ARHGEF10: variants seen among roughly 807,000 people sequenced by gnomAD.
ARHGEF10 encodes Rho guanine nucleotide exchange factor (GEF) 10.
Under a neutral mutation model 147.4 loss-of-function variants are expected in ARHGEF10, and 140 were observed. The observed-to-expected ratio is 0.95, with a 90% CI of 0.83 to 1.09. The LOEUF (loss-of-function observed/expected upper bound fraction) is 1.09, where lower values mean the gene tolerates loss of function less well. Among genes scored for constraint, ARHGEF10 ranks in the 50% least tolerant of loss-of-function variants. ARHGEF10 has a pLI of 0.00. For synonymous variants in ARHGEF10, 902 were observed against 695.8 expected (o/e 1.30, Z -4.67); for missense variants, 2,222 against 1,752.7 (o/e 1.27, Z -4.78).
At position 1,895,105 on chromosome 8, in the gene ARHGEF10, G is replaced by A. The variant is rs960135377; in HGVS notation, c.1440+533G>A. Among the ~76,000 whole-genome samples, 4 of 151,992 alleles carry A rather than the reference G, an allele frequency of 2.6e-5. No homozygotes were observed. The South Asian group carries it at 8.3e-4, about 32-fold the overall frequency. On this transcript the variant is annotated intron_variant, in intron 13 of 28. Coordinates refer to ENST00000349830, the MANE Select transcript of ARHGEF10 (RefSeq NM_014629.4). ...TGTAGATACAGGCTTTCGGCCCTAT[G>A]CTGTGACACAGGAATATGATGTTGC...
chr8:1,829,766 G>A (rs547679953), intron 1 of ARHGEF10, among the ~76,000 whole-genome samples: 19 of 152,278 alleles, frequency 1.2e-4, no homozygotes, highest in African/African-American at 4.3e-4. Flanking sequence ...GCTGCACGGC[G>A]GCGCAGCGCT....
At chr8:1,922,520 C>A (rs765246732) in intron 18 of ARHGEF10, among the ~76,000 whole-genome samples, 16 of 152,284 alleles carry the variant, frequency 1.1e-4, no homozygotes, top group Non-Finnish European at 1.9e-4. Context: ...TTGAGAAACT[C>A]CCCCAGACTG....
intron 28 of ARHGEF10, among the ~76,000 whole-genome samples, chr8:1,954,683 A>G (rs891150607): frequency 6.6e-6 from 1 of 152,110 alleles, no homozygotes; most frequent in Non-Finnish European, 1.5e-5. Context: ...TCTGCTCACA[A>G]CCCTAGGAAA....
chr8:1,864,876 C>T (rs925353688), intron 5 of ARHGEF10, among the ~76,000 whole-genome samples: 1 of 152,164 alleles, frequency 6.6e-6, no homozygotes, highest in Non-Finnish European at 1.5e-5. Context: ...GGTCCAGCCA[C>T]GGTTCTCCAT....
intron 16 of ARHGEF10, 143 bp downstream of exon 16, chr8:1,903,594 C>T: frequency 9.8e-7 from 1 of 1,018,434 alleles, no homozygotes; most frequent in South Asian, 1.4e-5. Flanking sequence ...TGGATGGAGG[C>T]CTTCGGGAGA....
At chr8:1,930,949 A>ATCCGGTGGGTGCCCCGGCCTGGAT (rs1242376783) in intron 25 of ARHGEF10, among the ~76,000 whole-genome samples, 2 of 151,946 alleles carry the variant, frequency 1.3e-5, no homozygotes. Context: ...CCTCCCTCTC[A>ATCCGGTGGGTGCCCCGGCCTGGAT]TCCGGTGGGT....
At chr8:1,910,989 T>C (rs1811313213) in intron 18 of ARHGEF10, among the ~76,000 whole-genome samples, 1 of 152,192 alleles carries the variant, frequency 6.6e-6, no homozygotes. Flanking sequence ...GAAAAAAGCA[T>C]AAAGCAGGGT....
chr8:1,883,049 T>C (rs1808352979), intron 10 of ARHGEF10, among the ~76,000 whole-genome samples: 2 of 152,194 alleles, frequency 1.3e-5, no homozygotes, highest in Non-Finnish European at 2.9e-5. Flanking sequence ...TTCTTAGTAT[T>C]GGACTCTGTA....
chr8:1,906,809 C>T (rs966658512), intron 17 of ARHGEF10, among the ~76,000 whole-genome samples: 4 of 152,244 alleles, frequency 2.6e-5, no homozygotes, highest in African/African-American at 7.2e-5. Flanking sequence ...TGCTGCAGGG[C>T]ACCTGGCACA....
chr8:1,831,158 A>G (rs1803073845), intron 1 of ARHGEF10, among the ~76,000 whole-genome samples: 1 of 151,618 alleles, frequency 6.6e-6, no homozygotes, highest in East Asian at 1.9e-4. Flanking sequence ...CGGAGGGGCC[A>G]TGTGACAGAG....
intron 25 of ARHGEF10, among the ~76,000 whole-genome samples, chr8:1,933,597 C>T (rs1813327480): frequency 6.6e-6 from 1 of 152,040 alleles, no homozygotes; most frequent in African/African-American, 2.4e-5. Flanking sequence ...CCACAGCTGT[C>T]TGTGCTTCCC....
chr8:1,860,819 C>G (rs1195648921), intron 4 of ARHGEF10, among the ~76,000 whole-genome samples: 1 of 152,046 alleles, frequency 6.6e-6, no homozygotes, highest in African/African-American at 2.4e-5. Flanking sequence ...ACCTGCTTGT[C>G]TATAGACTCA....
intron 7 of ARHGEF10, among the ~76,000 whole-genome samples, chr8:1,872,942 T>C (rs527906102): frequency 5.5e-4 from 84 of 152,108 alleles, no homozygotes; most frequent in African/African-American, 1.8e-3. Context: ...CAAAGGTTAG[T>C]TGATGTAAAA....
rs551546840 is a variant in ARHGEF10, at chr8:1,852,906, C to T, written c.38-5054C>T. ...CATTAGGGGTGTCGTGTCAAGCTGC[C>T]GGTGACCCACAAGGGCTGGCCCCTG... On this transcript the variant is annotated intron_variant, in intron 2 of 28. Coordinates refer to ENST00000349830, the MANE Select transcript of ARHGEF10 (RefSeq NM_014629.4). Among the ~76,000 whole-genome samples, 8 of 152,272 alleles carry T rather than the reference C, an allele frequency of 5.3e-5. No individual in the cohort carries two copies. The South Asian group carries it at 1.5e-3, about 28-fold the overall frequency.
At chr8:1,869,628 T>G in intron 7 of ARHGEF10, 1 of 344,308 alleles carries the variant, frequency 2.9e-6, no homozygotes, top group South Asian at 2.8e-5. Flanking sequence ...CTAAGAATTC[T>G]CTACAATTAA....
Position 1,888,761 on chromosome 8 carries a change from G to A in ARHGEF10, c.1182+3054G>A, listed in dbSNP as rs140975606. On this transcript the variant is annotated intron_variant, in intron 11 of 28. Transcript: ENST00000349830. Reference sequence around the variant, plus strand: ...GTGAGGAGACACTGAATAGGGTGAGGTTTGTGAGGAGACACTGAGTGGGGT... The same window carrying A: ...GTGAGGAGACACTGAATAGGGTGAGATTTGTGAGGAGACACTGAGTGGGGT... 4.3e-4 allele frequency among the ~76,000 whole-genome samples: 26 copies of A among 60,784 alleles called. 5 individuals are homozygous for A. Among genetic ancestry groups the A allele is most frequent in the East Asian group, 2.6e-3 (2 of 774 alleles). The allele number at this position is 60,784 out of a possible 152,430, so 39.9% of individuals were successfully genotyped here.
Position 1,957,597 on chromosome 8 carries a change from C to A in ARHGEF10, c.*334C>A. ...AATGTTAAACTTCATCAGCGTCAGACCTATTGTATCATATTAGAGAATTTG... is the reference window on the plus strand; with the variant it reads ...AATGTTAAACTTCATCAGCGTCAGAACTATTGTATCATATTAGAGAATTTG... On this transcript the variant is annotated 3_prime_UTR_variant, in exon 29 of 29. Transcript: ENST00000349830. 5.6e-6 allele frequency: 2 copies of A among 356,332 alleles called. No individual in the cohort carries two copies. Among genetic ancestry groups the A allele is most frequent in the Non-Finnish European group, 5.1e-6 (1 of 194,640 alleles). The allele number at this position is 356,332 out of a possible 1,614,324, so 22.1% of individuals were successfully genotyped here.
chr8:1,876,543 A>C (rs1189989335), intron 7 of ARHGEF10, 28 bp from the exon 8 acceptor site: 2 of 1,610,356 alleles, frequency 1.2e-6, no homozygotes, highest in African/African-American at 1.3e-5. Flanking sequence ...CTAAAGTTTT[A>C]ATTTCATTTT....
intron 4 of ARHGEF10, among the ~76,000 whole-genome samples, chr8:1,861,834 T>A (rs1053472885): frequency 2.0e-5 from 3 of 152,146 alleles, no homozygotes; most frequent in Non-Finnish European, 4.4e-5. Context: ...GCGTGCAGAG[T>A]GTAGGATTCT....
Sources: gnomAD v4.1 joint callset for allele counts (sites outside exome capture counted in the v4.1 genomes callset) on GRCh38, gnomAD v4.1.1 for gene constraint, MANE v1.5 for transcripts, NCBI Gene and HGNC (gene_info 2026-07-23, HGNC 2026-07-21) for gene names.